MACO1: variants seen among roughly 807,000 people sequenced by gnomAD.
MACO1 encodes macoilin.
In MACO1, 14 loss-of-function variants were observed where a neutral mutation model predicts 78.7. The observed-to-expected ratio is 0.18, with a 90% confidence interval of 0.12 to 0.28. The LOEUF (loss-of-function observed/expected upper bound fraction) is 0.28. MACO1 is among the 10% of genes least tolerant of loss of function. MACO1 has a pLI of 1.00. For missense variants in MACO1, 501 were observed against 799.0 expected, an observed-to-expected ratio of 0.63 and a Z score of 4.50; for synonymous variants, 288 against 291.6, an observed-to-expected ratio of 0.99 and a Z score of 0.12.
chr1:25,431,276 C>A, intron 1 of MACO1, 98 bp downstream of exon 1: 2 of 905,856 alleles, frequency 2.2e-6, no homozygotes, highest in East Asian at 3.4e-5. Context: ...GTAGGCCGCA[C>A]GCCCGCGCCG....
intron 6 of MACO1, among the ~76,000 whole-genome samples, chr1:25,473,063 GTC>G (rs2043288083): frequency 6.6e-6 from 1 of 152,072 alleles, no homozygotes; most frequent in African/African-American, 2.4e-5. Flanking sequence ...TGTGTTTTCT[GTC>G]TCTGTGGAAA....
At chr1:25,474,366 T>C (rs1023690889) in intron 6 of MACO1, among the ~76,000 whole-genome samples, 4 of 152,240 alleles carry the variant, frequency 2.6e-5, no homozygotes, top group Non-Finnish European at 5.9e-5. Flanking sequence ...TTTTGCTCCC[T>C]CTAGCCCTCT....
chr1:25,468,241 G>T (rs1422124022), intron 6 of MACO1, among the ~76,000 whole-genome samples: 1 of 152,168 alleles, frequency 6.6e-6, no homozygotes, highest in South Asian at 2.1e-4. Context: ...GGATCTCTGA[G>T]ACTTCAACTC....
chr1:25,445,659 G>A (rs2043009614), intron 1 of MACO1, among the ~76,000 whole-genome samples: 1 of 149,798 alleles, frequency 6.7e-6, no homozygotes, highest in African/African-American at 2.5e-5. Context: ...TATCTTATTG[G>A]AATATATTTC....
At chr1:25,464,668 C>T (rs74389087) in intron 6 of MACO1, among the ~76,000 whole-genome samples, 13 of 139,252 alleles carry the variant, frequency 9.3e-5, no homozygotes, top group African/African-American at 3.5e-4. Context: ...CCACCCCCCC[C>T]CTCCGCGAAA....
At chr1:25,481,249 ACTTGATTC>A (rs2043375021) in intron 6 of MACO1, among the ~76,000 whole-genome samples, 2 of 152,072 alleles carry the variant, frequency 1.3e-5, no homozygotes. Flanking sequence ...GTTGTGTGGA[ACTTGATTC>A]CTGTGCATCT....
chr1:25,441,898 A>C (rs938818582), intron 1 of MACO1, among the ~76,000 whole-genome samples: 5 of 152,232 alleles, frequency 3.3e-5, no homozygotes, highest in African/African-American at 1.2e-4. Context: ...AGTTATGAGA[A>C]GGACAGTCAA....
At chr1:25,490,102 A>G (rs1007177563) in intron 9 of MACO1, among the ~76,000 whole-genome samples, 2 of 152,216 alleles carry the variant, frequency 1.3e-5, no homozygotes, top group African/African-American at 2.4e-5. Context: ...AATATACTTG[A>G]CCTTGAAACA....
chr1:25,477,387 A>T (rs1309796267), intron 6 of MACO1, among the ~76,000 whole-genome samples: 1 of 152,168 alleles, frequency 6.6e-6, no homozygotes, highest in Non-Finnish European at 1.5e-5. Flanking sequence ...CCTTTCAATT[A>T]GTTGGCTGTA....
intron 3 of MACO1, among the ~76,000 whole-genome samples, chr1:25,452,341 G>A (rs4649085): frequency 0.43 from 65,380 of 151,974 alleles, 15,497 homozygotes; most frequent in Non-Finnish European, 0.54. Context: ...GATGGACCTA[G>A]CCTGCAGATT....
At chr1:25,456,257 CAA>C (rs1044716470) in intron 4 of MACO1, among the ~76,000 whole-genome samples, 21 of 86,288 alleles carry the variant, frequency 2.4e-4, no homozygotes, top group Non-Finnish European at 1.7e-4. Flanking sequence ...GACTCCATTT[CAA>C]AAAAAAAAAA....
intron 1 of MACO1, among the ~76,000 whole-genome samples, chr1:25,439,781 G>A (rs2042953268): frequency 6.6e-6 from 1 of 151,892 alleles, no homozygotes; most frequent in African/African-American, 2.4e-5. Context: ...CACTTTGGGA[G>A]GCTGAGACAG....
At chr1:25,458,272 G>A (rs933958520) in intron 5 of MACO1, 119 bp from the exon 6 acceptor site, 3 of 1,382,946 alleles carry the variant, frequency 2.2e-6, no homozygotes, top group Non-Finnish European at 2.9e-6. Context: ...TAATGAGTGT[G>A]CAAACTAATG....
chr1:25,472,983 C>T (rs1289827283), intron 6 of MACO1, among the ~76,000 whole-genome samples: 1 of 152,112 alleles, frequency 6.6e-6, no homozygotes, highest in Non-Finnish European at 1.5e-5. Context: ...GCTATAGCTG[C>T]TGCTGAATTA....
chr1:25,454,656 A>G (rs1469212184), intron 4 of MACO1, among the ~76,000 whole-genome samples: 1 of 150,606 alleles, frequency 6.6e-6, no homozygotes, highest in African/African-American at 2.4e-5. Flanking sequence ...TAATTTTTGT[A>G]TTTTTAGTAG....
intron 1 of MACO1, among the ~76,000 whole-genome samples, chr1:25,444,037 A>T (rs1007923786): frequency 6.6e-6 from 1 of 150,586 alleles, no homozygotes; most frequent in Non-Finnish European, 1.5e-5. Context: ...AGATCACTTG[A>T]GGTCAGGAGT....
intron 6 of MACO1, among the ~76,000 whole-genome samples, chr1:25,472,139 C>G (rs1369661586): frequency 6.6e-6 from 1 of 152,014 alleles, no homozygotes; most frequent in Non-Finnish European, 1.5e-5. Context: ...TCGCCAGTCC[C>G]AGATCATTCT....
chr1:25,482,752 C>T (rs1488118447), intron 6 of MACO1, among the ~76,000 whole-genome samples: 1 of 152,162 alleles, frequency 6.6e-6, no homozygotes, highest in African/African-American at 2.4e-5. Context: ...CCTGGATGAC[C>T]TTGGGCTGCA....
chr1:25,486,773 T>TC (rs1304490855), intron 8 of MACO1, among the ~76,000 whole-genome samples: 1 of 152,122 alleles, frequency 6.6e-6, no homozygotes, highest in Non-Finnish European at 1.5e-5. Flanking sequence ...TGATCCTGCC[T>TC]CCCCCCAGCA....
Sources: allele counts gnomAD v4.1 joint callset (sites outside exome capture counted in the v4.1 genomes callset), GRCh38; gene constraint gnomAD v4.1.1; transcripts MANE v1.5; gene names NCBI Gene and HGNC (gene_info 2026-07-23, HGNC 2026-07-21).